SGCE: variants seen among roughly 807,000 people sequenced by gnomAD.
The protein encoded by SGCE is sarcoglycan epsilon.
In SGCE, 26 loss-of-function variants were observed where a neutral mutation model predicts 57.8. The ratio of observed to expected loss-of-function variants is 0.45; its 90% CI spans 0.33 to 0.62. The LOEUF is 0.62. SGCE is among the 20% of genes least tolerant of loss of function. The pLI, the probability that SGCE is intolerant of heterozygous loss-of-function variation, is 0.02. For synonymous variants in SGCE, 183 were observed against 189.5 expected (o/e 0.97, Z 0.28); for missense variants, 468 against 548.6 (o/e 0.85, Z 1.47).
In SGCE at chr7:94,600,814, C is replaced by T. The variant is rs748001731; in HGVS notation, c.869G>A (p.Arg290His). 50 of 1,612,718 alleles carry T rather than the reference C, an allele frequency of 3.1e-5. No individual in the cohort carries two copies. The highest frequency in any genetic ancestry group is 5.3e-5 in the African/African-American group (4 of 74,902). The change falls in exon 7 of 11, where the codon CGT becomes CAT. Residue 290 changes from arginine (R) to histidine (H), a missense_variant. Transcript: ENST00000648936. ...KQVSTYQEVI[R>H]GEGILPDGGE... The stretch of plus-strand genomic sequence containing the variant: ...ACCATCAGGTAAAATCCCCTCTCCA[C>T]GAATCACTTCCTGATAGGTGGACAC...
intron 5 of SGCE, among the ~76,000 whole-genome samples, chr7:94,614,107 C>CA (rs925650428): frequency 0.13 from 11,993 of 93,354 alleles, 732 homozygotes; most frequent in South Asian, 0.24. Context: ...AAATTGAAAT[C>CA]AAAAAAAAAA....
At chr7:94,619,469 T>C (rs1379326526) in intron 4 of SGCE, 1 of 152,322 alleles carries the variant, frequency 6.6e-6, no homozygotes, top group Non-Finnish European at 1.5e-5. Flanking sequence ...CCTCAATGTG[T>C]CATCAAAATT....
chr7:94,591,097 A>T (rs1797619458), intron 9 of SGCE, among the ~76,000 whole-genome samples: 2 of 152,226 alleles, frequency 1.3e-5, no homozygotes, highest in Admixed American at 1.3e-4. Flanking sequence ...TGTGTAGGCT[A>T]GAGGAGTATT....
chr7:94,641,979 C>T (rs1004393374), intron 1 of SGCE, among the ~76,000 whole-genome samples: 3 of 152,112 alleles, frequency 2.0e-5, no homozygotes, highest in Non-Finnish European at 4.4e-5. Flanking sequence ...AATCATGACA[C>T]ATTGTATGCT....
At chr7:94,613,182 T>C (rs1801324047) in intron 5 of SGCE, among the ~76,000 whole-genome samples, 1 of 152,210 alleles carries the variant, frequency 6.6e-6, no homozygotes, top group East Asian at 1.9e-4. Flanking sequence ...CTCATTAAGT[T>C]TTTTTAAAAA....
At chr7:94,640,332 C>G (rs906116007) in intron 1 of SGCE, among the ~76,000 whole-genome samples, 1 of 152,130 alleles carries the variant, frequency 6.6e-6, no homozygotes, top group African/African-American at 2.4e-5. Flanking sequence ...TAGTGTGATT[C>G]CTTAAAGATA....
intron 5 of SGCE, 186 bp downstream of exon 5, chr7:94,618,572 T>C: frequency 1.7e-6 from 1 of 571,622 alleles, no homozygotes. Context: ...GAACTTGAGA[T>C]ATAAAAAACC....
intron 9 of SGCE, chr7:94,594,367 GAT>G (rs1312635735): frequency 2.6e-5 from 4 of 152,074 alleles, no homozygotes; most frequent in Admixed American, 1.3e-4. Flanking sequence ...AGGCTACAAA[GAT>G]AACTAAGTAC....
chr7:94,632,743 AC>A (rs1206431399), intron 1 of SGCE, among the ~76,000 whole-genome samples: 1 of 152,084 alleles, frequency 6.6e-6, no homozygotes, highest in African/African-American at 2.4e-5. Context: ...TACTTGCAAA[AC>A]AAATAGCTCT....
intron 2 of SGCE, chr7:94,629,280 T>C (rs1804271816): frequency 6.3e-6 from 1 of 158,936 alleles, no homozygotes; most frequent in African/African-American, 2.4e-5. Flanking sequence ...AATATTATTA[T>C]GGAGTTATAT....
chr7:94,619,642 T>C (rs1802475426), intron 4 of SGCE: 1 of 152,244 alleles, frequency 6.6e-6, no homozygotes, highest in Non-Finnish European at 1.5e-5. Flanking sequence ...CGATAAATAA[T>C]AGCTTTCTGT....
At chr7:94,589,001 A>G in intron 9 of SGCE, 1 of 457,398 alleles carries the variant, frequency 2.2e-6, no homozygotes, top group South Asian at 2.3e-5. Flanking sequence ...GTAGGTGTTA[A>G]TATTTTTCCC....
At chr7:94,647,804 T>G (rs909930372) in intron 1 of SGCE, among the ~76,000 whole-genome samples, 8 of 152,230 alleles carry the variant, frequency 5.3e-5, no homozygotes, top group Non-Finnish European at 8.8e-5. Flanking sequence ...TTACTCATCC[T>G]TAAGATCTGA....
chr7:94,588,988 G>A (rs1022887546), intron 9 of SGCE: 45 of 489,610 alleles, frequency 9.2e-5, no homozygotes, highest in Middle Eastern at 1.1e-3. Context: ...ACAACCCTAA[G>A]AGGTAGGTGT....
At chr7:94,649,795 G>A (rs1032811801) in intron 1 of SGCE, among the ~76,000 whole-genome samples, 2 of 152,236 alleles carry the variant, frequency 1.3e-5, no homozygotes, top group East Asian at 1.9e-4. Flanking sequence ...AGTTCTAAGT[G>A]TGAGGCAGAA....
At chr7:94,590,298 A>G (rs1031907944) in intron 9 of SGCE, among the ~76,000 whole-genome samples, 8 of 152,022 alleles carry the variant, frequency 5.3e-5, no homozygotes, top group Non-Finnish European at 8.8e-5. Flanking sequence ...CTCAAGAACC[A>G]CCTTCCTATG....
At chr7:94,623,849 C>A in intron 3 of SGCE, 1 of 356,772 alleles carries the variant, frequency 2.8e-6, no homozygotes, top group Non-Finnish European at 5.0e-6. Flanking sequence ...TACTAAACTG[C>A]ACCCCAATCA....
At chr7:94,631,161 A>G (rs1326808066) in intron 1 of SGCE, among the ~76,000 whole-genome samples, 4 of 148,022 alleles carry the variant, frequency 2.7e-5, no homozygotes, top group Non-Finnish European at 6.0e-5. Flanking sequence ...ACTAGTATTC[A>G]TAAGTGATCT....
intron 6 of SGCE, 76 bp from the exon 7 acceptor site, chr7:94,600,933 A>C: frequency 1.7e-6 from 2 of 1,203,610 alleles, no homozygotes; most frequent in South Asian, 2.6e-5. Context: ...TGGATACACT[A>C]AAGCATTCTT....
Sources: allele counts gnomAD v4.1 joint callset (sites outside exome capture counted in the v4.1 genomes callset), GRCh38; gene constraint gnomAD v4.1.1; transcripts MANE v1.5; gene names NCBI Gene and HGNC (gene_info 2026-07-23, HGNC 2026-07-21).